Variants in PRKD1 observed in about 807,000 individuals in gnomAD.
PRKD1 encodes protein kinase D1, also known as serine/threonine-protein kinase D1.
PRKD1 carries 63 observed loss-of-function variants against 95.9 expected under a neutral mutation model. The observed-to-expected ratio is 0.66, with a 90% CI of 0.54 to 0.81. PRKD1 has a LOEUF of 0.81. Among genes scored for constraint, PRKD1 ranks in the 30% least tolerant of loss-of-function variants. The probability of loss-of-function intolerance (pLI) is 0.00; values close to 1 mark genes in which losing one functional copy is unlikely to be tolerated. For missense variants in PRKD1, 1,048 were observed against 1,165.3 expected (o/e 0.90, Z 1.47); for synonymous variants, 425 against 423.1 (o/e 1.00, Z -0.05).
At chr14:29,688,795 T>C (rs1055907742) in intron 2 of PRKD1, among the ~76,000 whole-genome samples, 2 of 149,892 alleles carry the variant, frequency 1.3e-5, no homozygotes, top group Admixed American at 1.3e-4. Flanking sequence ...TAGCCGGGCG[T>C]GGCAGCGTGC....
At chr14:29,808,300 A>C (rs1027826301) in intron 1 of PRKD1, among the ~76,000 whole-genome samples, 15 of 148,940 alleles carry the variant, frequency 1.0e-4, no homozygotes, top group Non-Finnish European at 1.8e-4. Context: ...TTGTTCATCC[A>C]TAAGAAGCCA....
intron 1 of PRKD1, among the ~76,000 whole-genome samples, chr14:29,818,626 AAAAAG>A (rs1566617885): frequency 1.3e-5 from 2 of 151,850 alleles, no homozygotes; most frequent in Non-Finnish European, 2.9e-5. Context: ...GAAAAAAAAA[AAAAAG>A]AAAAGTTCAC....
chr14:29,644,021 C>A (rs560919625), intron 4 of PRKD1, among the ~76,000 whole-genome samples: 53 of 152,284 alleles, frequency 3.5e-4, no homozygotes, highest in African/African-American at 1.1e-3. Flanking sequence ...TAATAAGCTC[C>A]TATGGAAGAA....
intron 1 of PRKD1, among the ~76,000 whole-genome samples, chr14:29,781,114 G>A (rs958351142): frequency 7.8e-6 from 1 of 128,630 alleles, no homozygotes; most frequent in African/African-American, 2.9e-5. Flanking sequence ...ACAGGAAGGG[G>A]AACATCACAC....
intron 1 of PRKD1, among the ~76,000 whole-genome samples, chr14:29,796,545 C>T (rs930941618): frequency 3.9e-5 from 6 of 152,046 alleles, no homozygotes; most frequent in African/African-American, 1.4e-4. Flanking sequence ...TGAATGAGAT[C>T]CCCAACAATA....
chr14:29,687,822 G>C (rs1320602154), intron 2 of PRKD1, among the ~76,000 whole-genome samples: 1 of 152,308 alleles, frequency 6.6e-6, no homozygotes, highest in South Asian at 2.1e-4. Flanking sequence ...GGAATGAGTA[G>C]ATGAACACAT....
intron 1 of PRKD1, 109 bp from the exon 2 acceptor site, chr14:29,725,783 T>C (rs1886112333): frequency 9.5e-7 from 1 of 1,051,522 alleles, no homozygotes; most frequent in Admixed American, 2.9e-5. Flanking sequence ...TCAAAGTATC[T>C]AGATCATTAA....
At chr14:29,872,736 T>C (rs906769093) in intron 1 of PRKD1, among the ~76,000 whole-genome samples, 3 of 151,868 alleles carry the variant, frequency 2.0e-5, no homozygotes, top group African/African-American at 7.3e-5. Context: ...TATTTCTACC[T>C]GGTGGTTGCT....
chr14:29,697,834 C>T (rs1459646768), intron 2 of PRKD1, among the ~76,000 whole-genome samples: 4 of 152,104 alleles, frequency 2.6e-5, no homozygotes, highest in Non-Finnish European at 5.9e-5. Flanking sequence ...CCACGACTTT[C>T]TGCTTTTTTG....
At chr14:29,871,377 G>A (rs996029354) in intron 1 of PRKD1, among the ~76,000 whole-genome samples, 2 of 152,192 alleles carry the variant, frequency 1.3e-5, no homozygotes, top group African/African-American at 4.8e-5. Flanking sequence ...CTTAAAAGTT[G>A]TGACTTTAAG....
At chr14:29,661,438 GGT>G (rs1450954600) in intron 4 of PRKD1, among the ~76,000 whole-genome samples, 1 of 152,102 alleles carries the variant, frequency 6.6e-6, no homozygotes, top group Non-Finnish European at 1.5e-5. Context: ...TATAGTTATT[GGT>G]GTTACTGGGT....
In PRKD1 at chr14:29,885,126, A is replaced by ATTT. The variant is rs1566654292; in HGVS notation, c.264+42122_264+42123insAAA. 3.2e-3 allele frequency among the ~76,000 whole-genome samples: 371 copies of ATTT among 117,464 alleles called. 1 individual carries two copies. The highest frequency in any genetic ancestry group is 0.011 in the African/African-American group (360 of 34,234). 77.1% of individuals were successfully genotyped at this position (117,464 alleles called of 152,430 possible). ...CAACAGAGCGAGACTCCATCTTTTA[A>ATTT]AAAAAAAAAAAAAAAAAGAATTAGT... On this transcript the variant is annotated intron_variant, in intron 1 of 17. Coordinates refer to ENST00000331968, the MANE Select transcript of PRKD1 (RefSeq NM_002742.3).
At chr14:29,726,002 A>G (rs994575435) in intron 1 of PRKD1, among the ~76,000 whole-genome samples, 6 of 152,156 alleles carry the variant, frequency 3.9e-5, no homozygotes, top group African/African-American at 1.4e-4. Context: ...AGAGGTGTGC[A>G]CTTTCAGATG....
At chr14:29,598,893 A>G in intron 15 of PRKD1, 134 bp downstream of exon 15, 1 of 792,048 alleles carries the variant, frequency 1.3e-6, no homozygotes, top group Non-Finnish European at 2.0e-6. Context: ...CAAAGTAACA[A>G]ATGAATAAAA....
At chr14:29,637,459 C>T (rs954841728) in intron 6 of PRKD1, among the ~76,000 whole-genome samples, 1 of 152,098 alleles carries the variant, frequency 6.6e-6, no homozygotes, top group Non-Finnish European at 1.5e-5. Flanking sequence ...GGAAAATTCA[C>T]ATTTTACCAG....
intron 2 of PRKD1, among the ~76,000 whole-genome samples, chr14:29,715,566 T>C (rs1885565403): frequency 6.6e-6 from 1 of 152,068 alleles, no homozygotes; most frequent in Non-Finnish European, 1.5e-5. Context: ...ATAGACAAAA[T>C]AAAAACCCAA....
intron 1 of PRKD1, among the ~76,000 whole-genome samples, chr14:29,776,742 T>G (rs1888777446): frequency 6.6e-6 from 1 of 152,124 alleles, no homozygotes; most frequent in Non-Finnish European, 1.5e-5. Flanking sequence ...CCAGGAGAAC[T>G]TCCCCAAACT....
intron 2 of PRKD1, among the ~76,000 whole-genome samples, chr14:29,708,911 A>T (rs1885211197): frequency 6.6e-6 from 1 of 152,164 alleles, no homozygotes; most frequent in Admixed American, 6.6e-5. Flanking sequence ...ATAAAGCTAC[A>T]ACCACTCCCA....
At chr14:29,676,457 C>T (rs1002708532) in intron 2 of PRKD1, among the ~76,000 whole-genome samples, 1 of 152,058 alleles carries the variant, frequency 6.6e-6, no homozygotes, top group Non-Finnish European at 1.5e-5. Context: ...CAGGTTCAAG[C>T]GATTCTCCCG....
Sources: gnomAD v4.1 joint callset for allele counts (sites outside exome capture counted in the v4.1 genomes callset) on GRCh38, gnomAD v4.1.1 for gene constraint, MANE v1.5 for transcripts, NCBI Gene and HGNC (gene_info 2026-07-23, HGNC 2026-07-21) for gene names.